OGA: variants seen among roughly 807,000 people sequenced by gnomAD.
OGA encodes O-GlcNAcase, also known as protein O-GlcNAcase.
Under a neutral mutation model 102.0 loss-of-function variants are expected in OGA, and 21 were observed. The ratio of observed to expected loss-of-function variants is 0.21; its 90% CI spans 0.15 to 0.30. The LOEUF (loss-of-function observed/expected upper bound fraction) is 0.30. OGA is among the 10% of genes least tolerant of loss of function. The pLI, the probability that OGA is intolerant of heterozygous loss-of-function variation, is 1.00. For synonymous variants in OGA, 408 were observed against 378.2 expected (o/e 1.08, Z -0.91); for missense variants, 765 against 1,107.8 (o/e 0.69, Z 4.39).
intron 7 of OGA, among the ~76,000 whole-genome samples, chr10:101,802,095 A>G (rs2065400282): frequency 6.6e-6 from 1 of 152,140 alleles, no homozygotes; most frequent in African/African-American, 2.4e-5. Flanking sequence ...CAATGAGCCA[A>G]GATCGCGCCA....
At chr10:101,815,877 C>T (rs1312532901) in intron 1 of OGA, among the ~76,000 whole-genome samples, 4 of 132,096 alleles carry the variant, frequency 3.0e-5, no homozygotes, top group Non-Finnish European at 6.3e-5. Context: ...GGAAAGAAAA[C>T]AAAAAAGAAA....
chr10:101,816,775 C>G (rs549299538), intron 1 of OGA, among the ~76,000 whole-genome samples: 1 of 151,964 alleles, frequency 6.6e-6, no homozygotes, highest in African/African-American at 2.4e-5. Context: ...CCATAACCAC[C>G]ACCCATTTTT....
At chr10:101,806,225 G>T (rs527558835) in intron 5 of OGA, 82 bp from the exon 6 acceptor site, 12 of 859,858 alleles carry the variant, frequency 1.4e-5, no homozygotes, top group Non-Finnish European at 1.9e-5. Context: ...TCTTTGAGAC[G>T]GAGTCTCACT....
intron 1 of OGA, among the ~76,000 whole-genome samples, chr10:101,815,086 C>A (rs1441110094): frequency 3.9e-5 from 6 of 152,132 alleles, no homozygotes; most frequent in Non-Finnish European, 8.8e-5. Flanking sequence ...TAAACCCACA[C>A]AATCTACATA....
Position 101,807,885 on chromosome 10 carries a change from C to T in OGA, c.497G>A (p.Cys166Tyr). The T allele has an allele frequency of 6.6e-7, 1 of 1,524,592 alleles. No individual in the cohort carries two copies. Among genetic ancestry groups the T allele is most frequent in the Non-Finnish European group, 8.8e-7 (1 of 1,141,258 alleles). 94.4% of individuals were successfully genotyped at this position (1,524,592 alleles called of 1,614,324 possible). ...ATCAAAAAGCAAAGCAAATGATCTG[C>T]ACCCAAACTGAGAAACCTAGGAGAA... is the stretch of plus-strand genomic sequence containing the variant. ...RKLDQVSQFG[C>Y]RSFALLFDDI... The change falls in exon 5 of 16, where the codon TGC becomes TAC. Residue 166 changes from cysteine (C) to tyrosine (Y), a missense_variant. Cys to Tyr is a radical substitution (Grantham distance 194, BLOSUM62 -2). Transcript: ENST00000361464.
intron 11 of OGA, 131 bp from the exon 12 acceptor site, chr10:101,793,074 T>C (rs2065277190): frequency 1.7e-6 from 1 of 605,254 alleles, no homozygotes; most frequent in Non-Finnish European, 2.9e-6. Flanking sequence ...AGGGGTGTAC[T>C]ATGCTTTACT....
intron 4 of OGA, 50 bp downstream of exon 4, chr10:101,810,134 C>A (rs2065533933): frequency 6.7e-7 from 1 of 1,498,160 alleles, no homozygotes; most frequent in Admixed American, 2.1e-5. Context: ...GAGTAAACTT[C>A]TAGTTTCAAG....
intron 4 of OGA, among the ~76,000 whole-genome samples, chr10:101,809,036 G>C (rs555663419): frequency 6.6e-6 from 1 of 151,922 alleles, no homozygotes; most frequent in Non-Finnish European, 1.5e-5. Flanking sequence ...TTTACATTAA[G>C]CAGACTTTAC....
At chr10:101,789,082 A>G (rs140119501) in intron 14 of OGA, among the ~76,000 whole-genome samples, 5 of 152,382 alleles carry the variant, frequency 3.3e-5, no homozygotes, top group African/African-American at 9.6e-5. Context: ...ACAGCAATAC[A>G]TCAGCAGCTC....
At position 101,800,176 on chromosome 10, in the gene OGA, A is replaced by C. The variant is rs2065371312; in HGVS notation, c.1195+66T>G. ...GTGTGAGCCACCACACCCGGGAGACAGTGTTCTTTACTTTGTGACTCAACT... is the reference window on the plus strand; with the variant it reads ...GTGTGAGCCACCACACCCGGGAGACCGTGTTCTTTACTTTGTGACTCAACT... On this transcript the variant is annotated intron_variant, in intron 8 of 15. Transcript: ENST00000361464. The C allele has an allele frequency of 3.2e-5, 48 of 1,519,020 alleles. No homozygotes were observed. The South Asian group carries it at 5.3e-4, about 17-fold the overall frequency. 94.1% of individuals were successfully genotyped at this position (1,519,020 alleles called of 1,614,324 possible).
chr10:101,798,925 C>T lies in OGA; in HGVS notation c.1726G>A (p.Ala576Thr), dbSNP rs1291870487. The change falls in exon 9 of 16, where the codon GCA becomes ACA. Residue 576 changes from alanine to threonine, a missense_variant. Transcript: ENST00000361464. The part of the protein sequence containing the change: ...YLPYEHGPKG[A>T]QMLREFQWLR... ...CATTGAAATTCCCGTAACATCTGTG[C>T]TCCTTTGGGTCCATGCTCGTAAGGA... 1.2e-6 allele frequency: 2 copies of T among 1,614,040 alleles called. No individual in the cohort carries two copies. The highest frequency in any genetic ancestry group is 1.7e-6 in the Non-Finnish European group (2 of 1,180,026).
chr10:101,804,272 C>CT (rs965762850), intron 6 of OGA, among the ~76,000 whole-genome samples: 1,760 of 131,908 alleles, frequency 0.013, 37 homozygotes, highest in African/African-American at 0.022. Context: ...CTTACGTGTA[C>CT]TTTTTTTTTT....
At chr10:101,808,275 G>GAGTT (rs1183651857) in intron 4 of OGA, among the ~76,000 whole-genome samples, 1 of 152,146 alleles carries the variant, frequency 6.6e-6, no homozygotes, top group Non-Finnish European at 1.5e-5. Flanking sequence ...GGAGCTCAAA[G>GAGTT]AGTTTCATAT....
chr10:101,789,454 C>G (rs1010451648), intron 14 of OGA, among the ~76,000 whole-genome samples: 1 of 152,000 alleles, frequency 6.6e-6, no homozygotes, highest in Non-Finnish European at 1.5e-5. Context: ...GCCAAGATTG[C>G]GTCACTGCAC....
At chr10:101,802,733 C>T (rs993663301) in intron 7 of OGA, among the ~76,000 whole-genome samples, 3 of 151,792 alleles carry the variant, frequency 2.0e-5, no homozygotes, top group African/African-American at 7.3e-5. Context: ...ATGCATCTGC[C>T]CCATGACAGA....
intron 6 of OGA, among the ~76,000 whole-genome samples, 187 bp downstream of exon 6, chr10:101,805,858 G>A (rs1286344425): frequency 1.3e-5 from 2 of 152,100 alleles, no homozygotes; most frequent in Non-Finnish European, 2.9e-5. Context: ...GGGAGGCTGA[G>A]GCAGGAGAAT....
At chr10:101,798,271 A>T in intron 9 of OGA, 117 bp from the exon 10 acceptor site, 1 of 912,214 alleles carries the variant, frequency 1.1e-6, no homozygotes, top group South Asian at 1.7e-5. Context: ...CTTAACCATT[A>T]AAGTATCATT....
chr10:101,788,733 T>C (rs569059900), intron 14 of OGA, among the ~76,000 whole-genome samples: 1 of 142,132 alleles, frequency 7.0e-6, no homozygotes, highest in Admixed American at 7.1e-5. Flanking sequence ...AAACTCCGTC[T>C]CAAAAAAAAA....
chr10:101,786,637 T>C, intron 15 of OGA, 50 bp from the exon 16 acceptor site: 1 of 1,390,630 alleles, frequency 7.2e-7, no homozygotes, highest in Non-Finnish European at 9.6e-7. Flanking sequence ...TTAATTAGTA[T>C]AATTATAGAT....
Sources: gnomAD v4.1 joint callset for allele counts (sites outside exome capture counted in the v4.1 genomes callset) on GRCh38, gnomAD v4.1.1 for gene constraint, MANE v1.5 for transcripts, NCBI Gene and HGNC (gene_info 2026-07-23, HGNC 2026-07-21) for gene names.